ZNF483: variants seen among roughly 807,000 people sequenced by gnomAD.
The protein encoded by ZNF483 is zinc finger protein HIT-10.
Under a neutral mutation model 28.6 loss-of-function variants are expected in ZNF483, and 9 were observed. That is an observed-to-expected ratio of 0.32 (90% CI 0.19 to 0.55). ZNF483 has a LOEUF of 0.55. Among genes scored for constraint, ZNF483 ranks in the 20% least tolerant of loss-of-function variants. The pLI is 0.93. For synonymous variants in ZNF483, 322 were observed against 306.2 expected (o/e 1.05, Z -0.54); for missense variants, 675 against 871.7 (o/e 0.77, Z 2.84).
chr9:111,566,042 T>C (rs546698313), intron 5 of ZNF483, among the ~76,000 whole-genome samples: 1 of 151,824 alleles, frequency 6.6e-6, no homozygotes, highest in East Asian at 2.0e-4. Context: ...TGAAACCCCA[T>C]CTCTACTAAA....
In ZNF483 at chr9:111,547,329, T is replaced by A. The variant is rs1202256659; in HGVS notation, c.*4159T>A. Among the ~76,000 whole-genome samples the A allele has an allele frequency of 2.6e-5, 4 of 152,186 alleles. No homozygotes were observed. ...CTTATTTTCTATTTCTTTTTTATAA[T>A]AGACATCCTAATGGGTTTGAAGTGG... On this transcript the variant is annotated 3_prime_UTR_variant, in exon 6 of 6. Transcript: ENST00000309235.
At chr9:111,533,498 T>C (rs557434777) in intron 3 of ZNF483, among the ~76,000 whole-genome samples, 7 of 152,034 alleles carry the variant, frequency 4.6e-5, no homozygotes, top group South Asian at 4.2e-4. Context: ...CCTGGGCAAA[T>C]AGTGAGACAA....
intron 5 of ZNF483, among the ~76,000 whole-genome samples, chr9:111,535,363 G>T (rs867054203): frequency 6.6e-6 from 1 of 152,168 alleles, no homozygotes; most frequent in East Asian, 1.9e-4. Flanking sequence ...GTTTTAATTC[G>T]CATTTGAGTT....
At position 111,543,629 on chromosome 9, in the gene ZNF483, G is replaced by C; in HGVS notation, c.*459G>C. On this transcript the variant is annotated 3_prime_UTR_variant, in exon 6 of 6. Transcript: ENST00000309235. Reference sequence around the variant, plus strand: ...GGGATTAATGATTTTTGCCTTTTTTGGTTTTTTAGTTTTTTATTGGTATCC... The same window carrying C: ...GGGATTAATGATTTTTGCCTTTTTTCGTTTTTTAGTTTTTTATTGGTATCC... 1 of 985,776 alleles carries C rather than the reference G, an allele frequency of 1.0e-6. No homozygotes were observed. Among genetic ancestry groups the C allele is most frequent in the Non-Finnish European group, 1.2e-6 (1 of 830,376 alleles). The allele number at this position is 985,776 out of a possible 1,614,324, so 61.1% of individuals were successfully genotyped here.
chr9:111,560,968 TATATATAG>T (rs1375326865), intron 5 of ZNF483, among the ~76,000 whole-genome samples: 14 of 40,066 alleles, frequency 3.5e-4, no homozygotes, highest in East Asian at 9.0e-4. Flanking sequence ...TATATATATA[TATATATAG>T]AGAGAGAGAG....
At position 111,549,155 on chromosome 9, in the gene ZNF483, G is replaced by C. The variant is rs1216910360; in HGVS notation, c.*5985G>C. ...GTCACTGAGTCACTGGAGGTTCTCT[G>C]TGTGTGTGAGTGTATAAATAAAGAT... On this transcript the variant is annotated 3_prime_UTR_variant, in exon 6 of 6. Transcript: ENST00000309235. Among the ~76,000 whole-genome samples, 6 of 152,236 alleles carry C rather than the reference G, an allele frequency of 3.9e-5. No individual in the cohort carries two copies. The highest frequency in any genetic ancestry group is 1.3e-4 in the Admixed American group (2 of 15,292).
downstream of ZNF483, among the ~76,000 whole-genome samples, chr9:111,559,974 AATTT>A (rs926946787): frequency 2.6e-5 from 4 of 152,142 alleles, no homozygotes; most frequent in Middle Eastern, 3.2e-3. Context: ...ATTGTACTAC[AATTT>A]ATTTAACCCC....
Position 111,543,269 on chromosome 9 carries a change from T to C in ZNF483, c.*99T>C. 2 of 1,464,574 alleles carry C rather than the reference T, an allele frequency of 1.4e-6. No individual in the cohort carries two copies. Among genetic ancestry groups the C allele is most frequent in the Non-Finnish European group, 1.8e-6 (2 of 1,115,120 alleles). 90.7% of individuals were successfully genotyped at this position (1,464,574 alleles called of 1,614,324 possible). ...CAGTATTGATCAGTAGCTGCAGCTT[T>C]CGTAAATTGGCAGTTAGGAAAAATA... On this transcript the variant is annotated 3_prime_UTR_variant, in exon 6 of 6. Coordinates refer to ENST00000309235, the MANE Select transcript of ZNF483 (RefSeq NM_133464.5).
intron 2 of ZNF483, among the ~76,000 whole-genome samples, chr9:111,528,883 C>T (rs2132215810): frequency 6.6e-6 from 1 of 152,276 alleles, no homozygotes; most frequent in East Asian, 1.9e-4. Flanking sequence ...CGGTGGCTCA[C>T]ACCTGTAATC....
intron 5 of ZNF483, chr9:111,570,029 T>G: frequency 6.2e-7 from 1 of 1,604,918 alleles, no homozygotes; most frequent in Non-Finnish European, 8.5e-7. Context: ...ACAAAAGCCT[T>G]GAGAGGCAAA....
rs1324234457 is a variant in ZNF483, at chr9:111,552,874, CGTTTTCA to C, written c.*9712_*9718del. Among the ~76,000 whole-genome samples the C allele has an allele frequency of 6.6e-6, 1 of 151,996 alleles. No homozygotes were observed. Among genetic ancestry groups the C allele is most frequent in the East Asian group, 1.9e-4 (1 of 5,194 alleles). The stretch of plus-strand genomic sequence containing the variant: ...CAAAATTGTTTAATGGTTTCATTGA[CGTTTTCA>C]GTTTTCATGAATGTCTTTTAAGGTC... On this transcript the variant is annotated 3_prime_UTR_variant, in exon 6 of 6. Coordinates refer to ENST00000309235, the MANE Select transcript of ZNF483 (RefSeq NM_133464.5).
At chr9:111,564,304 ATTATTATT>A in intron 5 of ZNF483, 2 of 635,814 alleles carry the variant, frequency 3.1e-6, no homozygotes, top group Non-Finnish European at 4.1e-6. Context: ...TATTATTATT[ATTATTATT>A]ATTATTATTC....
intron 4 of ZNF483, 129 bp downstream of exon 4, chr9:111,533,994 C>T (rs1324999277): frequency 1.7e-6 from 2 of 1,150,880 alleles, no homozygotes; most frequent in African/African-American, 1.6e-5. Context: ...TAGGACTAAT[C>T]CTAAAAACTG....
chr9:111,568,639 C>T (rs1462744491), intron 5 of ZNF483, among the ~76,000 whole-genome samples: 4 of 152,174 alleles, frequency 2.6e-5, no homozygotes, highest in African/African-American at 9.7e-5. Context: ...CTTTTAAAAT[C>T]CTTAATAAAA....
At chr9:111,532,020 C>T (rs1033843646) in intron 3 of ZNF483, among the ~76,000 whole-genome samples, 9 of 152,210 alleles carry the variant, frequency 5.9e-5, no homozygotes, top group Non-Finnish European at 1.0e-4. Context: ...TGATAAAGAA[C>T]ATCCTTGGCT....
At chr9:111,560,378 G>C (rs1201633081), downstream of ZNF483, among the ~76,000 whole-genome samples, 2 of 151,398 alleles carry the variant, frequency 1.3e-5, no homozygotes, top group African/African-American at 2.4e-5. Flanking sequence ...GGAGGCTGAG[G>C]CAGGAGAATC....
rs1040103854 is a variant in ZNF483, at chr9:111,545,641, C to G, written c.*2471C>G. 1.3e-5 allele frequency among the ~76,000 whole-genome samples: 2 copies of G among 152,132 alleles called. No individual in the cohort carries two copies. Among genetic ancestry groups the G allele is most frequent in the Non-Finnish European group, 2.9e-5 (2 of 68,016 alleles). On this transcript the variant is annotated 3_prime_UTR_variant, in exon 6 of 6. Coordinates refer to ENST00000309235, the MANE Select transcript of ZNF483 (RefSeq NM_133464.5). ...TTTGTGTCTCTAGAGTTGTCTTTTTCTGTACATTTTATGTTATATGTGATC... is the reference window on the plus strand; with the variant it reads ...TTTGTGTCTCTAGAGTTGTCTTTTTGTGTACATTTTATGTTATATGTGATC...
chr9:111,542,739 A>G lies in ZNF483; in HGVS notation c.1804A>G (p.Thr602Ala). ...SCLTRHQRIHTGEKPYLCNDC... is the reference protein window; with the variant it reads ...SCLTRHQRIHAGEKPYLCNDC... ...CCTTACCCGGCATCAGAGAATTCAC[A>G]CTGGAGAAAAACCATATTTGTGTAA... Residue 602 changes from threonine to alanine, a missense_variant, in exon 6 of 6, where the codon ACT becomes GCT. Around this residue, in one of 6 missense-constraint regions of ZNF483, gnomAD observed 47 missense variants for 93.5 expected, o/e 0.50. Transcript: ENST00000309235. The surrounding 1 kb of genome is among the most constrained non-coding windows in gnomAD (Gnocchi z 6.2). The G allele has an allele frequency of 6.2e-7, 1 of 1,614,188 alleles. No homozygotes were observed. The highest frequency in any genetic ancestry group is 1.1e-5 in the South Asian group (1 of 91,082).
Position 111,545,636 on chromosome 9 carries a change from T to C in ZNF483, c.*2466T>C, listed in dbSNP as rs1827789132. On this transcript the variant is annotated 3_prime_UTR_variant, in exon 6 of 6. Transcript: ENST00000309235. ...TCGACTTTGTGTCTCTAGAGTTGTC[T>C]TTTTCTGTACATTTTATGTTATATG... Among the ~76,000 whole-genome samples the C allele has an allele frequency of 6.6e-6, 1 of 152,204 alleles. No homozygotes were observed. The highest frequency in any genetic ancestry group is 2.4e-5 in the African/African-American group (1 of 41,462).
Sources: allele counts gnomAD v4.1 joint callset (sites outside exome capture counted in the v4.1 genomes callset), GRCh38; gene constraint gnomAD v4.1.1; regional missense constraint gnomAD v4.1.1; non-coding constraint Gnocchi (gnomAD v3.1); transcripts MANE v1.5; gene names NCBI Gene and HGNC (gene_info 2026-07-23, HGNC 2026-07-21).